Variants in NSD1 observed in about 807,000 individuals in gnomAD.
NSD1 encodes nuclear receptor binding SET domain protein 1, also known as histone-lysine N-methyltransferase, H3 lysine-36 specific.
In NSD1, 26 loss-of-function variants were observed where a neutral mutation model predicts 242.7. That is an observed-to-expected ratio of 0.11 (90% CI 0.08 to 0.15). The LOEUF is 0.15. NSD1 is among the 10% of genes least tolerant of loss of function. The pLI is 1.00. For missense variants in NSD1, 2,495 were observed against 3,272.8 expected (o/e 0.76, Z 5.80); for synonymous variants, 1,106 against 1,178.1 (o/e 0.94, Z 1.25).
At chr5:177,202,977 G>A (rs762520684) in intron 3 of NSD1, among the ~76,000 whole-genome samples, 19 of 151,970 alleles carry the variant, frequency 1.3e-4, no homozygotes, top group African/African-American at 3.4e-4. Context: ...AGAAGTTACC[G>A]TTGACAGTTC....
Position 177,211,907 on chromosome 5 carries a change from C to G in NSD1, c.3508C>G (p.Pro1170Ala), listed in dbSNP as rs1448480523. The change falls in exon 5 of 23, where the codon CCT becomes GCT. Residue 1170 changes from proline (P) to alanine (A), a missense_variant. Around this residue, in one of 19 missense-constraint regions of NSD1, gnomAD observed 426 missense variants for 411.4 expected, o/e 1.04. Transcript: ENST00000439151. ...GCGTTTAAACCAAAGGCGCACTAAA[C>G]CTCGTAAGCGCATGAACAGATTTAA... ...WQRLNQRRTKPRKRMNRFKEK... is the reference protein window; with the variant it reads ...WQRLNQRRTKARKRMNRFKEK... 2 of 1,608,618 alleles carry G rather than the reference C, an allele frequency of 1.2e-6. No homozygotes were observed. The highest frequency in any genetic ancestry group is 2.2e-5 in the South Asian group (2 of 90,368).
chr5:177,295,561 C>G lies in NSD1; in HGVS notation c.*102C>G, dbSNP rs532288732. On this transcript the variant is annotated 3_prime_UTR_variant, in exon 23 of 23. Transcript: ENST00000439151. This position sits in a 1 kb window ranked among gnomAD's most constrained non-coding sequence, Gnocchi z 4.3. ...CCCCTTAAAAAAAAACACATCTGCC[C>G]CGAACACTTTCCCACTGTTATTCTT... 2.5e-6 allele frequency: 3 copies of G among 1,192,012 alleles called. No individual in the cohort carries two copies. The highest frequency in any genetic ancestry group is 3.0e-5 in the African/African-American group (2 of 66,040). 73.8% of individuals were successfully genotyped at this position (1,192,012 alleles called of 1,614,324 possible). A position where few individuals can be genotyped will look rare whatever the true frequency, so the allele number is the denominator to read the frequency against.
chr5:177,143,636 A>C (rs910688904), intron 2 of NSD1, among the ~76,000 whole-genome samples: 4 of 151,756 alleles, frequency 2.6e-5, no homozygotes, highest in African/African-American at 7.3e-5. Context: ...AATAAATTAT[A>C]ATGGTTTTAG....
intron 20 of NSD1, among the ~76,000 whole-genome samples, chr5:177,284,440 G>GGTTTTTT (rs1554205058): frequency 6.6e-6 from 1 of 151,958 alleles, no homozygotes; most frequent in Non-Finnish European, 1.5e-5. Context: ...CCCATTCCCA[G>GGTTTTTT]GTTTTTTGTT....
chr5:177,220,136 T>A (rs945544146), intron 5 of NSD1, among the ~76,000 whole-genome samples: 2 of 152,212 alleles, frequency 1.3e-5, no homozygotes, highest in Non-Finnish European at 2.9e-5. Context: ...TATTTTAACG[T>A]GGAGTATTAA....
Position 177,211,217 on chromosome 5 carries a change from G to T in NSD1, c.2818G>T (p.Gly940Cys), listed in dbSNP as rs1170142966. ...AAACCTGGTCTCTTACCGGAGTCCT[G>T]GTCGTGGGGACTGTTCTACTAATAG... is the stretch of plus-strand genomic sequence containing the variant. The part of the protein sequence containing the change: ...AQNLVSYRSP[G>C]RGDCSTNSPV... The change falls in exon 5 of 23, where the codon GGT becomes TGT. Residue 940 changes from glycine to cysteine, a missense_variant. By Grantham distance (159) the Gly-to-Cys change is radical. This residue lies in a region of NSD1 where 121 missense variants were observed against 167.2 expected (regional missense o/e 0.72). Transcript: ENST00000439151. 7 of 1,613,922 alleles carry T rather than the reference G, an allele frequency of 4.3e-6. No individual in the cohort carries two copies. Among genetic ancestry groups the T allele is most frequent in the Non-Finnish European group, 5.9e-6 (7 of 1,179,964 alleles).
Position 177,134,629 on chromosome 5 carries a change from A to G in NSD1, c.-17-458A>G, listed in dbSNP as rs1756150401. Among the ~76,000 whole-genome samples, 1 of 152,062 alleles carries G rather than the reference A, an allele frequency of 6.6e-6. No homozygotes were observed. Reference sequence around the variant, plus strand: ...CTGGCTGGGCGCAGGGTGCAGCGCTATTGTGACCGCTGCGCCCTAGCGAGC... The same window carrying G: ...CTGGCTGGGCGCAGGGTGCAGCGCTGTTGTGACCGCTGCGCCCTAGCGAGC... On this transcript the variant is annotated intron_variant, in intron 1 of 22. Coordinates refer to ENST00000439151, the MANE Select transcript of NSD1 (RefSeq NM_022455.5). The surrounding 1 kb of genome is among the most constrained non-coding windows in gnomAD (Gnocchi z 4.2).
At chr5:177,190,769 A>G (rs1261030474) in intron 2 of NSD1, among the ~76,000 whole-genome samples, 2 of 150,626 alleles carry the variant, frequency 1.3e-5, no homozygotes, top group Non-Finnish European at 2.9e-5. Flanking sequence ...TCCTGGGTTC[A>G]CGCCATTCTC....
At chr5:177,225,940 C>T (rs1222645088) in intron 5 of NSD1, among the ~76,000 whole-genome samples, 3 of 152,150 alleles carry the variant, frequency 2.0e-5, no homozygotes, top group African/African-American at 7.2e-5. Context: ...GTTTGTTACA[C>T]AAATTCAACA....
chr5:177,285,444 G>T (rs1164878120), intron 20 of NSD1, among the ~76,000 whole-genome samples: 2 of 151,052 alleles, frequency 1.3e-5, no homozygotes, highest in Non-Finnish European at 2.9e-5. Flanking sequence ...GGCGCCTGTA[G>T]TCTCAGCTAC....
chr5:177,235,875 A>G lies in NSD1; in HGVS notation c.3851A>G (p.Tyr1284Cys), dbSNP rs1183963435. 3 of 1,614,024 alleles carry G rather than the reference A, an allele frequency of 1.9e-6. No individual in the cohort carries two copies. Among genetic ancestry groups the G allele is most frequent in the Non-Finnish European group, 2.5e-6 (3 of 1,179,912 alleles). ...AAGCCAAGCAAGTGGCTTTTGGAAT[A>G]TACAGAAGAATATGATCAGATATTT... ...LRKPSKWLLE[Y>C]TEEYDQIFAP... The change falls in exon 6 of 23, where the codon TAT becomes TGT. Residue 1284 changes from tyrosine to cysteine, a missense_variant. This residue lies in a region of NSD1 where 426 missense variants were observed against 411.4 expected (regional missense o/e 1.04). Coordinates refer to ENST00000439151, the MANE Select transcript of NSD1 (RefSeq NM_022455.5).
At chr5:177,138,246 G>C (rs962870825) in intron 2 of NSD1, among the ~76,000 whole-genome samples, 1 of 152,038 alleles carries the variant, frequency 6.6e-6, no homozygotes, top group African/African-American at 2.4e-5. Context: ...TCACCTTGAA[G>C]AAGCAAGTAT....
At chr5:177,175,877 T>G (rs1156806360) in intron 2 of NSD1, among the ~76,000 whole-genome samples, 1 of 151,886 alleles carries the variant, frequency 6.6e-6, no homozygotes, top group Non-Finnish European at 1.5e-5. Context: ...ATTGCAAAAA[T>G]TCTTTTTTTT....
At chr5:177,224,940 A>C (rs1764521012) in intron 5 of NSD1, among the ~76,000 whole-genome samples, 3 of 151,744 alleles carry the variant, frequency 2.0e-5, no homozygotes, top group Non-Finnish European at 4.4e-5. Flanking sequence ...TTCTATCCAT[A>C]TGATGTATTA....
In NSD1 at chr5:177,210,573, C is replaced by T. The variant is rs774810620; in HGVS notation, c.2174C>T (p.Thr725Met). ...CTKSAEPGTE[T>M]SQVNLSDLKA... ...AAGAGTGCAGAGCCTGGAACCGAGA[C>T]GTCTCAGGTTAATCTCTCTGATCTG... is the stretch of plus-strand genomic sequence containing the variant. Residue 725 changes from threonine to methionine, a missense_variant, in exon 5 of 23, where the codon ACG becomes ATG. Transcript: ENST00000439151. The T allele has an allele frequency of 4.8e-5, 78 of 1,614,070 alleles. No individual in the cohort carries two copies. The highest frequency in any genetic ancestry group is 1.3e-4 in the East Asian group (6 of 44,880).
chr5:177,285,864 T>G lies in NSD1; in HGVS notation c.6151+1936T>G, dbSNP rs927901826. 3.9e-5 allele frequency among the ~76,000 whole-genome samples: 6 copies of G among 152,334 alleles called. No homozygotes were observed. In the South Asian group the frequency reaches 1.2e-3, roughly 32 times the overall value. On this transcript the variant is annotated intron_variant, in intron 20 of 22. Coordinates refer to ENST00000439151, the MANE Select transcript of NSD1 (RefSeq NM_022455.5). ...GATAAAAGAATTAGAATGATATTTGTTCAGATCTTAGTCTGTTTTTGTGTG... is the reference window on the plus strand; with the variant it reads ...GATAAAAGAATTAGAATGATATTTGGTCAGATCTTAGTCTGTTTTTGTGTG...
At chr5:177,282,094 A>G (rs1463675583) in intron 18 of NSD1, among the ~76,000 whole-genome samples, 1 of 152,248 alleles carries the variant, frequency 6.6e-6, no homozygotes, top group East Asian at 1.9e-4. Context: ...AATATAGAGC[A>G]GAGCAAGCAC....
At chr5:177,282,373 G>A in intron 18 of NSD1, 92 bp from the exon 19 acceptor site, 1 of 822,968 alleles carries the variant, frequency 1.2e-6, no homozygotes. Context: ...TTTGTAGAAT[G>A]TGATGTTTTC....
intron 20 of NSD1, among the ~76,000 whole-genome samples, chr5:177,288,342 G>C (rs913177800): frequency 3.3e-5 from 5 of 152,174 alleles, no homozygotes; most frequent in African/African-American, 4.8e-5. Context: ...GACGTAGCTG[G>C]ATCTACAACC....
Sources: allele counts gnomAD v4.1 joint callset (sites outside exome capture counted in the v4.1 genomes callset), GRCh38; gene constraint gnomAD v4.1.1; regional missense constraint gnomAD v4.1.1; non-coding constraint Gnocchi (gnomAD v3.1); transcripts MANE v1.5; gene names NCBI Gene and HGNC (gene_info 2026-07-23, HGNC 2026-07-21).